HIVEP3: variants seen among roughly 807,000 people sequenced by gnomAD.
HIVEP3 encodes transcription factor HIVEP3.
In HIVEP3, 49 loss-of-function variants were observed where a neutral mutation model predicts 152.8. The ratio of observed to expected loss-of-function variants is 0.32; its 90% CI spans 0.26 to 0.41. The LOEUF is 0.41. Among genes scored for constraint, HIVEP3 ranks in the 10% least tolerant of loss-of-function variants. The pLI, the probability that HIVEP3 is intolerant of heterozygous loss-of-function variation, is 1.00. For missense variants in HIVEP3, 2,790 were observed against 3,103.3 expected, an observed-to-expected ratio of 0.90 and a Z score of 2.40; for synonymous variants, 1,269 against 1,289.0, an observed-to-expected ratio of 0.98 and a Z score of 0.33.
At chr1:41,919,955 G>A (rs1039937504), upstream of HIVEP3, among the ~76,000 whole-genome samples, 15 of 152,174 alleles carry the variant, frequency 9.9e-5, no homozygotes, top group African/African-American at 3.4e-4. Context: ...CAGCGGCAGT[G>A]GCTCACCTCG....
At chr1:41,944,886 T>C (rs1317366470) in intron 1 of HIVEP3, among the ~76,000 whole-genome samples, 2 of 152,134 alleles carry the variant, frequency 1.3e-5, no homozygotes, top group Non-Finnish European at 2.9e-5. Flanking sequence ...TGAAGATATA[T>C]TCTGGAGAAC....
intron 1 of HIVEP3, among the ~76,000 whole-genome samples, chr1:41,901,438 A>G (rs1644621491): frequency 6.6e-6 from 1 of 152,074 alleles, no homozygotes; most frequent in African/African-American, 2.4e-5. Flanking sequence ...ACATTGTAAG[A>G]AGAGAAATCC....
chr1:41,593,721 T>A (rs979847008), intron 3 of HIVEP3, among the ~76,000 whole-genome samples: 1 of 152,254 alleles, frequency 6.6e-6, no homozygotes, highest in East Asian at 1.9e-4. Context: ...ATGGTTGTAT[T>A]TGGTTCCCAT....
At chr1:41,752,965 C>A (rs1349944463) in intron 1 of HIVEP3, among the ~76,000 whole-genome samples, 29 of 152,258 alleles carry the variant, frequency 1.9e-4, no homozygotes. Flanking sequence ...CCACTGGCTA[C>A]ATCGCTGGGC....
intron 1 of HIVEP3, among the ~76,000 whole-genome samples, chr1:41,888,521 G>GA (rs1477185305): frequency 6.6e-6 from 1 of 151,968 alleles, no homozygotes; most frequent in Non-Finnish European, 1.5e-5. Context: ...AGGGGCCAAA[G>GA]AGGGGGAAAA....
At chr1:41,741,371 G>C (rs1570438418) in intron 1 of HIVEP3, among the ~76,000 whole-genome samples, 1 of 152,220 alleles carries the variant, frequency 6.6e-6, no homozygotes, top group Admixed American at 6.5e-5. Flanking sequence ...AGCAGGGCCG[G>C]GGTCCCAAGC....
intron 1 of HIVEP3, among the ~76,000 whole-genome samples, chr1:41,898,582 C>T (rs1039347994): frequency 6.6e-6 from 1 of 152,234 alleles, no homozygotes; most frequent in African/African-American, 2.4e-5. Context: ...ACAGATGATA[C>T]ATGCACACGT....
intron 1 of HIVEP3, among the ~76,000 whole-genome samples, chr1:41,719,790 C>T (rs1195612988): frequency 6.6e-6 from 1 of 152,224 alleles, no homozygotes; most frequent in East Asian, 1.9e-4. Context: ...AGTGGGACTC[C>T]TGACTCATGT....
chr1:41,773,967 G>A (rs114399652), intron 1 of HIVEP3, among the ~76,000 whole-genome samples: 199 of 152,368 alleles, frequency 1.3e-3, no homozygotes, highest in African/African-American at 4.4e-3. Context: ...CAAAGATTCA[G>A]TAGGCCTGAG....
intron 5 of HIVEP3, among the ~76,000 whole-genome samples, chr1:41,540,694 G>A (rs1478713861): frequency 6.6e-6 from 1 of 152,200 alleles, no homozygotes; most frequent in Non-Finnish European, 1.5e-5. Context: ...AGCCTCCTGG[G>A]AGGTAGCTCA....
intron 1 of HIVEP3, among the ~76,000 whole-genome samples, chr1:41,813,490 C>G (rs1210785455): frequency 6.6e-6 from 1 of 152,218 alleles, no homozygotes; most frequent in Admixed American, 6.5e-5. Context: ...ACTGTGCACC[C>G]ACATACCGCC....
chr1:41,827,771 C>G (rs1314005741), intron 1 of HIVEP3, among the ~76,000 whole-genome samples: 2 of 152,036 alleles, frequency 1.3e-5, no homozygotes, highest in Non-Finnish European at 2.9e-5. Flanking sequence ...CAAGGCTGCA[C>G]TTACAAATCA....
chr1:41,805,906 C>G (rs185320694), intron 1 of HIVEP3, among the ~76,000 whole-genome samples: 23 of 152,212 alleles, frequency 1.5e-4, no homozygotes, highest in Middle Eastern at 3.4e-3. Context: ...TACACGTGCA[C>G]GCACACACAT....
intron 1 of HIVEP3, among the ~76,000 whole-genome samples, chr1:41,833,890 C>T (rs971287275): frequency 6.6e-6 from 1 of 152,182 alleles, no homozygotes. Context: ...GCTACCGAGC[C>T]TGCTCAGCGT....
At chr1:41,757,256 C>T (rs1459737481) in intron 1 of HIVEP3, among the ~76,000 whole-genome samples, 1 of 151,864 alleles carries the variant, frequency 6.6e-6, no homozygotes, top group Non-Finnish European at 1.5e-5. Context: ...GCTGGGACTA[C>T]AGGCGCCTGC....
chr1:41,790,104 G>A (rs1005832642), intron 1 of HIVEP3, among the ~76,000 whole-genome samples: 8 of 152,160 alleles, frequency 5.3e-5, no homozygotes, highest in Middle Eastern at 3.2e-3. Context: ...TCTTAACTGC[G>A]TGCTATGATT....
intron 1 of HIVEP3, among the ~76,000 whole-genome samples, chr1:41,795,887 G>A (rs1649956384): frequency 2.0e-5 from 3 of 151,982 alleles, no homozygotes; most frequent in African/African-American, 4.8e-5. Context: ...TTTTTTGTGT[G>A]TTTGCTTTTT....
intron 1 of HIVEP3, among the ~76,000 whole-genome samples, chr1:41,964,962 G>A (rs1645189553): frequency 6.6e-6 from 1 of 152,222 alleles, no homozygotes; most frequent in Non-Finnish European, 1.5e-5. Context: ...TGACTGGTGA[G>A]ACCCACCCCC....
At chr1:41,722,204 TCTG>T (rs955773039) in intron 1 of HIVEP3, among the ~76,000 whole-genome samples, 4 of 152,156 alleles carry the variant, frequency 2.6e-5, no homozygotes, top group African/African-American at 9.7e-5. Flanking sequence ...CAGCTTTGTC[TCTG>T]CTGCAGACTT....
Sources: allele counts gnomAD v4.1 joint callset (sites outside exome capture counted in the v4.1 genomes callset), GRCh38; gene constraint gnomAD v4.1.1; transcripts MANE v1.5; gene names NCBI Gene and HGNC (gene_info 2026-07-23, HGNC 2026-07-21).